TUT4: variants seen among roughly 807,000 people sequenced by gnomAD.
TUT4 encodes the protein terminal uridylyl transferase 4.
In TUT4, 36 loss-of-function variants were observed where a neutral mutation model predicts 192.2. The ratio of observed to expected loss-of-function variants is 0.19; its 90% CI spans 0.14 to 0.25. The LOEUF is 0.25. Ranked by LOEUF, TUT4 falls within the 10% of genes least tolerant of loss-of-function variation. The pLI is 1.00. For missense variants in TUT4, 1,493 were observed against 1,957.2 expected (o/e 0.76, Z 4.47); for synonymous variants, 618 against 666.0 (o/e 0.93, Z 1.11).
intron 1 of TUT4, among the ~76,000 whole-genome samples, chr1:52,536,021 G>T (rs1195754892): frequency 6.6e-6 from 1 of 152,168 alleles, no homozygotes; most frequent in East Asian, 1.9e-4. Context: ...GAGATGAAAA[G>T]ACATTAGACA....
intron 1 of TUT4, among the ~76,000 whole-genome samples, chr1:52,536,218 A>C (rs1424968211): frequency 6.6e-6 from 1 of 152,224 alleles, no homozygotes; most frequent in African/African-American, 2.4e-5. Flanking sequence ...TAAAGATGTA[A>C]TCTGTGACAA....
intron 4 of TUT4, among the ~76,000 whole-genome samples, chr1:52,498,234 T>A (rs944019496): frequency 4.0e-5 from 6 of 150,582 alleles, no homozygotes; most frequent in Non-Finnish European, 7.4e-5. Flanking sequence ...CATCTAAGTT[T>A]CAGTACTTTT....
At chr1:52,483,514 T>A in intron 9 of TUT4, among the ~76,000 whole-genome samples, 1 of 152,164 alleles carries the variant, frequency 6.6e-6, no homozygotes, top group Non-Finnish European at 1.5e-5. Context: ...AACTGCACAC[T>A]GAAAATATTT....
chr1:52,548,289 ATATT>A (rs556321765), intron 1 of TUT4, among the ~76,000 whole-genome samples: 64 of 152,158 alleles, frequency 4.2e-4, no homozygotes, highest in Admixed American at 1.0e-3. Context: ...TGTTAGTTAA[ATATT>A]TAATTTAATA....
At position 52,424,000 on chromosome 1, in the gene TUT4, T is replaced by C; in HGVS notation, c.4873A>G (p.Arg1625Gly). 1 of 1,610,252 alleles carries C rather than the reference T, an allele frequency of 6.2e-7. No homozygotes were observed. The change falls in exon 30 of 30, where the codon AGA becomes GGA. Residue 1625 changes from arginine to glycine, a missense_variant and splice_region_variant. Arg to Gly is a moderately radical substitution (Grantham distance 125). Transcript: ENST00000257177. ...QPNKPFYTQDRCATRRCRERC... is the reference protein window; with the variant it reads ...QPNKPFYTQDGCATRRCRERC... The stretch of plus-strand genomic sequence containing the variant: ...TCTCTACACCGACGGGTGGCACATC[T>C]GTCTGTTGGATACAACACAGACAGG...
intron 12 of TUT4, among the ~76,000 whole-genome samples, chr1:52,476,295 A>G (rs868274762): frequency 2.0e-5 from 3 of 152,362 alleles, no homozygotes; most frequent in African/African-American, 7.2e-5. Context: ...AGGAAGAAAG[A>G]GCAAAAAAGC....
At position 52,423,864 on chromosome 1, in the gene TUT4, A is replaced by G. The variant is rs1648843149; in HGVS notation, c.*71T>C. The G allele has an allele frequency of 3.2e-6, 5 of 1,583,110 alleles. No homozygotes were observed. The highest frequency in any genetic ancestry group is 1.7e-6 in the Non-Finnish European group (2 of 1,164,682). ...GAATGTAACTGACATTGAGGTACGG[A>G]TACCCTTGAGACAGCAGGATTGGCT... On this transcript the variant is annotated 3_prime_UTR_variant, in exon 30 of 30. Coordinates refer to ENST00000257177, the MANE Select transcript of TUT4 (RefSeq NM_001009881.3).
chr1:52,545,292 G>C (rs2149721812), intron 1 of TUT4, among the ~76,000 whole-genome samples: 1 of 150,936 alleles, frequency 6.6e-6, no homozygotes, highest in African/African-American at 2.4e-5. Flanking sequence ...TAGGAGAATT[G>C]CTTGAGCCTG....
At chr1:52,445,704 T>A (rs1381151001) in intron 24 of TUT4, 83 bp downstream of exon 24, 1 of 1,031,148 alleles carries the variant, frequency 9.7e-7, no homozygotes, top group African/African-American at 1.6e-5. Flanking sequence ...TCCCTATATC[T>A]AACATCAGTT....
Position 52,552,931 on chromosome 1 carries a change from C to G in TUT4, c.-94G>C, listed in dbSNP as rs1279049097. 6.5e-6 allele frequency: 1 copy of G among 153,248 alleles called. No homozygotes were observed. Among genetic ancestry groups the G allele is most frequent in the Non-Finnish European group, 1.5e-5 (1 of 68,122 alleles). 9.5% of individuals were successfully genotyped at this position (153,248 alleles called of 1,614,324 possible). A position where few individuals can be genotyped will look rare whatever the true frequency, so the allele number is the denominator to read the frequency against. ...CTGCCCCGCGGCCGGAACCTCGTACCTGCGAGGCCCGCGAGCTACAGGCGC... is the reference window on the plus strand; with the variant it reads ...CTGCCCCGCGGCCGGAACCTCGTACGTGCGAGGCCCGCGAGCTACAGGCGC... On this transcript the variant is annotated splice_region_variant and 5_prime_UTR_variant, in exon 1 of 30. Transcript: ENST00000257177.
At chr1:52,547,304 T>C (rs550678431) in intron 1 of TUT4, among the ~76,000 whole-genome samples, 18 of 151,598 alleles carry the variant, frequency 1.2e-4, no homozygotes, top group African/African-American at 4.4e-4. Flanking sequence ...ATGCTCAACA[T>C]CTTATTAATC....
intron 4 of TUT4, among the ~76,000 whole-genome samples, chr1:52,499,876 G>A (rs1387592618): frequency 6.6e-6 from 1 of 151,882 alleles, no homozygotes; most frequent in Admixed American, 6.6e-5. Flanking sequence ...TTCAAGACCA[G>A]CCTGGCCAAC....
At chr1:52,477,686 G>A in intron 12 of TUT4, 22 bp downstream of exon 12, 1 of 1,585,384 alleles carries the variant, frequency 6.3e-7, no homozygotes, top group Non-Finnish European at 8.6e-7. Flanking sequence ...TTCTCCAAAT[G>A]AAATACAACA....
At chr1:52,486,456 A>G (rs920809752) in intron 9 of TUT4, among the ~76,000 whole-genome samples, 1 of 152,188 alleles carries the variant, frequency 6.6e-6, no homozygotes, top group Non-Finnish European at 1.5e-5. Flanking sequence ...TATCACAGTT[A>G]TAAGAGTAAA....
rs774816107 is a variant in TUT4 at position 52,526,126 on chromosome 1, C to T, written c.155G>A (p.Arg52Lys). The T allele has an allele frequency of 6.2e-7, 1 of 1,611,714 alleles. No homozygotes were observed. The highest frequency in any genetic ancestry group is 8.5e-7 in the Non-Finnish European group (1 of 1,179,492). ...VKEIENSSPN[R>K]NSSKKNKQND... is the part of the protein sequence containing the mutation. ...TTGCTTATTTTTTTTACTACTATTC[C>T]TATTTGGAGAGCTGTTCTCAATTTC... Residue 52 changes from arginine (R) to lysine (K), a missense_variant, in exon 2 of 30, where the codon AGG becomes AAG. Arg to Lys is a conservative substitution (Grantham distance 26). Coordinates refer to ENST00000257177, the MANE Select transcript of TUT4 (RefSeq NM_001009881.3).
At chr1:52,474,575 A>C (rs1666620386) in intron 13 of TUT4, among the ~76,000 whole-genome samples, 1 of 152,246 alleles carries the variant, frequency 6.6e-6, no homozygotes, top group Non-Finnish European at 1.5e-5. Context: ...TTTTCATGAA[A>C]TATCAGATGA....
intron 4 of TUT4, 43 bp downstream of exon 4, chr1:52,509,553 C>A: frequency 1.8e-6 from 2 of 1,105,498 alleles, no homozygotes; most frequent in South Asian, 2.9e-5. Context: ...TATGGTTTTA[C>A]AACTTGAAAA....
At chr1:52,442,431 T>C (rs1276030135) in intron 24 of TUT4, among the ~76,000 whole-genome samples, 19 of 152,044 alleles carry the variant, frequency 1.2e-4, no homozygotes, top group African/African-American at 2.4e-5. Context: ...AGGAGTGAAA[T>C]AGGTATGAAG....
At chr1:52,516,986 C>T (rs866596021) in intron 2 of TUT4, among the ~76,000 whole-genome samples, 1 of 152,126 alleles carries the variant, frequency 6.6e-6, no homozygotes, top group South Asian at 2.1e-4. Context: ...GATCTTGCCA[C>T]GACACTTTTC....
Sources: gnomAD v4.1 joint callset for allele counts (sites outside exome capture counted in the v4.1 genomes callset) on GRCh38, gnomAD v4.1.1 for gene constraint, MANE v1.5 for transcripts, NCBI Gene and HGNC (gene_info 2026-07-23, HGNC 2026-07-21) for gene names.